The following ACTR3C variants were observed in gnomAD, a reference collection of about 807,000 sequenced individuals.
The protein encoded by ACTR3C is actin related protein 3C.
In ACTR3C, 18 loss-of-function variants were observed where a neutral mutation model predicts 26.3. The observed-to-expected ratio is 0.68, with a 90% CI of 0.47 to 1.01. The LOEUF (loss-of-function observed/expected upper bound fraction) is 1.01, where lower values mean the gene tolerates loss of function less well. ACTR3C is among the 50% of genes least tolerant of loss of function. The pLI, the probability that ACTR3C is intolerant of heterozygous loss-of-function variation, is 0.00. For missense variants in ACTR3C, 184 were observed against 250.7 expected (o/e 0.73, Z 1.80); for synonymous variants, 55 against 94.5 (o/e 0.58, Z 2.42).
chr7:150,203,961 G>C, the ACTR3C span, among the ~76,000 whole-genome samples: 4 of 151,406 alleles, frequency 2.6e-5, no homozygotes, highest in East Asian at 7.8e-4. Context: ...AAATAATAAA[G>C]GGTATGAAAT....
the ACTR3C span, among the ~76,000 whole-genome samples, chr7:149,957,264 G>C: frequency 1.3e-5 from 2 of 152,104 alleles, no homozygotes; most frequent in Non-Finnish European, 2.9e-5. Flanking sequence ...CCTCCGCACA[G>C]GAAGCAGACA....
chr7:150,122,645 A>G, the ACTR3C span, among the ~76,000 whole-genome samples: 2 of 152,180 alleles, frequency 1.3e-5, no homozygotes, highest in South Asian at 2.1e-4. Flanking sequence ...TGGTGGGAGT[A>G]TAAATTAGTT....
At chr7:149,972,918 TAGTG>T in the ACTR3C span, among the ~76,000 whole-genome samples, 136 of 151,426 alleles carry the variant, frequency 9.0e-4, no homozygotes, top group African/African-American at 3.1e-3. Flanking sequence ...CATGTAATCA[TAGTG>T]AGTGGGCAGC....
chr7:149,903,532 G>C, the ACTR3C span, among the ~76,000 whole-genome samples: 1 of 150,244 alleles, frequency 6.7e-6, no homozygotes, highest in African/African-American at 2.4e-5. Context: ...AACTATGGAA[G>C]AGTTGTCTTG....
chr7:150,209,305 A>C, the ACTR3C span, among the ~76,000 whole-genome samples: 2 of 142,592 alleles, frequency 1.4e-5, no homozygotes, highest in Non-Finnish European at 1.5e-5. Flanking sequence ...AGAGAGAGAC[A>C]GAAACAGAGA....
the ACTR3C span, among the ~76,000 whole-genome samples, chr7:149,921,038 G>A: frequency 0.19 from 28,624 of 151,972 alleles, 2,823 homozygotes; most frequent in African/African-American, 0.25. Flanking sequence ...TTACAGGCGT[G>A]AGCCACCGTG....
the ACTR3C span, among the ~76,000 whole-genome samples, chr7:150,006,947 C>T: frequency 2.6e-5 from 4 of 152,076 alleles, no homozygotes; most frequent in African/African-American, 2.4e-5. Context: ...AATTAGCAAC[C>T]GGATCCTAAG....
At chr7:150,017,902 G>A in the ACTR3C span, among the ~76,000 whole-genome samples, 3 of 150,160 alleles carry the variant, frequency 2.0e-5, no homozygotes, top group East Asian at 1.9e-4. Flanking sequence ...TGCACAGTAC[G>A]CAGTATTTAA....
At chr7:150,313,640 GT>G (rs891344924) in intron 1 of ACTR3C, among the ~76,000 whole-genome samples, 3 of 152,180 alleles carry the variant, frequency 2.0e-5, no homozygotes, top group Non-Finnish European at 2.9e-5. Flanking sequence ...GTCTGAACCA[GT>G]TTTTTTCACG....
intron 6 of ACTR3C, among the ~76,000 whole-genome samples, chr7:150,278,036 G>A (rs1024694998): frequency 3.3e-5 from 5 of 152,078 alleles, no homozygotes; most frequent in African/African-American, 1.2e-4. Flanking sequence ...TTCCCCATAA[G>A]CCCTGTGTAA....
At chr7:150,105,275 G>T in the ACTR3C span, among the ~76,000 whole-genome samples, 1 of 151,458 alleles carries the variant, frequency 6.6e-6, no homozygotes, top group East Asian at 1.9e-4. Context: ...GTAGAGACGG[G>T]GTTTCACCGT....
chr7:149,977,544 T>C, the ACTR3C span, among the ~76,000 whole-genome samples: 1 of 152,328 alleles, frequency 6.6e-6, no homozygotes, highest in African/African-American at 2.4e-5. Context: ...GTTAACTGGA[T>C]TCTGCAGGCG....
the ACTR3C span, among the ~76,000 whole-genome samples, chr7:150,158,208 G>A: frequency 2.0e-5 from 3 of 152,110 alleles, no homozygotes; most frequent in South Asian, 2.1e-4. Context: ...TGGTGAGGAC[G>A]TGAAGAAAAG....
the ACTR3C span, among the ~76,000 whole-genome samples, chr7:149,886,908 A>T: frequency 6.6e-6 from 1 of 151,950 alleles, no homozygotes; most frequent in African/African-American, 2.4e-5. Context: ...TACAGTGAGC[A>T]GAGATTGTGC....
At chr7:150,240,768 A>G (rs540965280), downstream of ACTR3C, among the ~76,000 whole-genome samples, 180 of 152,320 alleles carry the variant, frequency 1.2e-3, 1 homozygote, top group African/African-American at 4.2e-3. Context: ...ATATAAACGA[A>G]GTAACACTGT....
At chr7:150,070,826 G>A in the ACTR3C span, among the ~76,000 whole-genome samples, 80 of 144,064 alleles carry the variant, frequency 5.6e-4, no homozygotes, top group African/African-American at 1.9e-3. Context: ...ATGGAGTTTC[G>A]CTCTGTCACC....
At chr7:150,323,310 A>G in intron 1 of ACTR3C, 159 bp downstream of exon 1, 1 of 260,968 alleles carries the variant, frequency 3.8e-6, no homozygotes, top group Non-Finnish European at 7.6e-6. Context: ...CGGAATCCAG[A>G]GCGCCCACTA....
the ACTR3C span, among the ~76,000 whole-genome samples, chr7:149,907,478 T>TTCTCTCTCTCTCTCTC: frequency 1.1e-4 from 11 of 97,594 alleles, no homozygotes; most frequent in South Asian, 4.6e-4. Context: ...CTCTCTTCTC[T>TTCTCTCTCTCTCTCTC]TCTCTCTCTC....
chr7:149,929,529 CTTTTTTT>C, the ACTR3C span, among the ~76,000 whole-genome samples: 7 of 109,156 alleles, frequency 6.4e-5, no homozygotes, highest in African/African-American at 1.4e-4. Flanking sequence ...CCACAAATGA[CTTTTTTT>C]TTTTTTTTTT....
Sources: allele counts gnomAD v4.1 joint callset (sites outside exome capture counted in the v4.1 genomes callset), GRCh38; gene constraint gnomAD v4.1.1; transcripts MANE v1.5; gene names NCBI Gene and HGNC (gene_info 2026-07-23, HGNC 2026-07-21).